USH2A: variants seen among roughly 807,000 people sequenced by gnomAD.
USH2A encodes usherin, also known as Usher syndrome 2A (autosomal recessive, mild).
USH2A carries 443 observed loss-of-function variants against 538.9 expected under a neutral mutation model. That is an observed-to-expected ratio of 0.82 (90% confidence interval 0.76 to 0.89). The LOEUF is 0.89. Ranked by LOEUF, USH2A falls within the 40% of genes least tolerant of loss-of-function variation. The probability of loss-of-function intolerance (pLI) is 0.00; values close to 1 mark genes in which losing one functional copy is unlikely to be tolerated. For missense variants in USH2A, 6,633 were observed against 6,324.8 expected, an observed-to-expected ratio of 1.05 and a Z score of -1.65; for synonymous variants, 2,413 against 2,273.5, an observed-to-expected ratio of 1.06 and a Z score of -1.75.
At chr1:216,129,791 T>C (rs1268915831) in intron 21 of USH2A, among the ~76,000 whole-genome samples, 2 of 152,044 alleles carry the variant, frequency 1.3e-5, no homozygotes, top group African/African-American at 4.8e-5. Flanking sequence ...AGCATCACAT[T>C]ACCTGACTTC....
chr1:215,885,838 G>A (rs545670819), intron 41 of USH2A, among the ~76,000 whole-genome samples: 1 of 152,144 alleles, frequency 6.6e-6, no homozygotes, highest in African/African-American at 2.4e-5. Context: ...TAACACTAAG[G>A]TGAAATACCA....
At chr1:216,367,276 A>C (rs899254013) in intron 3 of USH2A, among the ~76,000 whole-genome samples, 3 of 152,198 alleles carry the variant, frequency 2.0e-5, no homozygotes, top group Non-Finnish European at 4.4e-5. Flanking sequence ...TTATTTAAGA[A>C]AAGAAAATTG....
chr1:216,310,703 C>A (rs1178945478), intron 9 of USH2A, among the ~76,000 whole-genome samples: 1 of 152,078 alleles, frequency 6.6e-6, no homozygotes, highest in Non-Finnish European at 1.5e-5. Flanking sequence ...AAATTTCAAT[C>A]TCTGTTAAAT....
chr1:215,643,579 G>A (rs1272758678), intron 67 of USH2A, among the ~76,000 whole-genome samples: 2 of 150,836 alleles, frequency 1.3e-5, no homozygotes, highest in South Asian at 2.1e-4. Flanking sequence ...AGGTTGGAGT[G>A]CAGTGACATG....
At chr1:216,395,805 A>G (rs1004466035) in intron 3 of USH2A, among the ~76,000 whole-genome samples, 1 of 152,228 alleles carries the variant, frequency 6.6e-6, no homozygotes, top group Non-Finnish European at 1.5e-5. Context: ...ACATCCTACA[A>G]TGCACAGGAA....
intron 14 of USH2A, among the ~76,000 whole-genome samples, chr1:216,228,574 C>T (rs1358374240): frequency 6.6e-6 from 1 of 152,102 alleles, no homozygotes; most frequent in East Asian, 1.9e-4. Context: ...GGGAGTTTCC[C>T]TGCACAAGCT....
At chr1:215,839,766 T>C (rs998547037) in intron 46 of USH2A, among the ~76,000 whole-genome samples, 1 of 152,112 alleles carries the variant, frequency 6.6e-6, no homozygotes, top group African/African-American at 2.4e-5. Flanking sequence ...GAAACACAAA[T>C]ATAAAGCTTA....
At chr1:215,976,320 T>G (rs1275321575) in intron 35 of USH2A, among the ~76,000 whole-genome samples, 2 of 152,208 alleles carry the variant, frequency 1.3e-5, no homozygotes, top group Non-Finnish European at 2.9e-5. Context: ...TGTGCCTGAT[T>G]GCTCTGGCAA....
At chr1:216,354,948 T>A (rs960013786) in intron 4 of USH2A, among the ~76,000 whole-genome samples, 13 of 152,064 alleles carry the variant, frequency 8.5e-5, no homozygotes, top group African/African-American at 2.9e-4. Flanking sequence ...ATGAAAATCA[T>A]TCCTAGGCAT....
chr1:216,068,248 G>A (rs1023385217), intron 30 of USH2A, among the ~76,000 whole-genome samples: 2 of 152,192 alleles, frequency 1.3e-5, no homozygotes, highest in East Asian at 3.8e-4. Flanking sequence ...CATGCTAGAC[G>A]AAGGCCGAGA....
chr1:216,300,739 A>ATTTTTTT (rs2037198606), intron 9 of USH2A, among the ~76,000 whole-genome samples: 1 of 145,552 alleles, frequency 6.9e-6, no homozygotes, highest in African/African-American at 2.6e-5. Context: ...GATAGACTCA[A>ATTTTTTT]TGTTTTTTTT....
chr1:215,702,209 C>T (rs1659047264), intron 61 of USH2A, among the ~76,000 whole-genome samples: 1 of 152,154 alleles, frequency 6.6e-6, no homozygotes. Context: ...GATGGGCTTC[C>T]CTTTGTAGGT....
intron 46 of USH2A, among the ~76,000 whole-genome samples, chr1:215,841,859 C>A (rs187240242): frequency 6.6e-6 from 1 of 151,998 alleles, no homozygotes; most frequent in East Asian, 1.9e-4. Flanking sequence ...GAAAAAACAA[C>A]CCCATCAAAA....
chr1:216,077,957 C>T lies in USH2A; in HGVS notation c.5572+132G>A, dbSNP rs535441719. 11 of 1,132,336 alleles carry T rather than the reference C, an allele frequency of 9.7e-6. 1 individual carries two copies. Among genetic ancestry groups the T allele is most frequent in the African/African-American group, 7.8e-5 (5 of 64,434 alleles). The allele number at this position is 1,132,336 out of a possible 1,614,324, so 70.1% of individuals were successfully genotyped here. The stretch of plus-strand genomic sequence containing the variant: ...TCATTAGTTTTTAAGGTTTAAATTT[C>T]TCCAGAAAAAGAGATGCTGTTGGGT... On this transcript the variant is annotated intron_variant, in intron 27 of 71. Transcript: ENST00000307340.
chr1:215,815,145 C>T (rs2102794685), intron 48 of USH2A, among the ~76,000 whole-genome samples: 1 of 152,004 alleles, frequency 6.6e-6, no homozygotes, highest in East Asian at 1.9e-4. Context: ...TAACTGACAT[C>T]CTTTATTCTC....
At chr1:215,978,691 T>C (rs1408961) in intron 35 of USH2A, among the ~76,000 whole-genome samples, 67,641 of 152,004 alleles carry the variant, frequency 0.44, 15,349 homozygotes, top group East Asian at 0.68. Flanking sequence ...TAGTAGACAG[T>C]AGGTACAGGA....
chr1:216,351,901 CTCTG>C (rs1379367415), intron 4 of USH2A, among the ~76,000 whole-genome samples: 2 of 151,864 alleles, frequency 1.3e-5, no homozygotes, highest in African/African-American at 2.4e-5. Flanking sequence ...AAATCTTTTT[CTCTG>C]TCTTAGTGGA....
intron 61 of USH2A, among the ~76,000 whole-genome samples, chr1:215,716,664 C>G (rs951474631): frequency 6.6e-6 from 1 of 152,132 alleles, no homozygotes; most frequent in African/African-American, 2.4e-5. Flanking sequence ...TGTTAGACAA[C>G]CCACCCTTTT....
At chr1:215,871,360 AT>A (rs1664620995) in intron 43 of USH2A, among the ~76,000 whole-genome samples, 2 of 152,200 alleles carry the variant, frequency 1.3e-5, no homozygotes, top group South Asian at 4.1e-4. Flanking sequence ...TAATTTGTTT[AT>A]TTACTGAATA....
Sources: allele counts gnomAD v4.1 joint callset (sites outside exome capture counted in the v4.1 genomes callset), GRCh38; gene constraint gnomAD v4.1.1; transcripts MANE v1.5; gene names NCBI Gene and HGNC (gene_info 2026-07-23, HGNC 2026-07-21).